The following PUM1 variants were observed in gnomAD, a reference collection of about 807,000 sequenced individuals.
The protein encoded by PUM1 is pumilio homolog 1.
In PUM1, 13 loss-of-function variants were observed where a neutral mutation model predicts 131.8. The ratio of observed to expected loss-of-function variants is 0.10; its 90% CI spans 0.06 to 0.16. The LOEUF (loss-of-function observed/expected upper bound fraction) is 0.16, where lower values mean the gene tolerates loss of function less well. Among genes scored for constraint, PUM1 ranks in the 10% least tolerant of loss-of-function variants. The probability of loss-of-function intolerance (pLI) is 1.00; values close to 1 mark genes in which losing one functional copy is unlikely to be tolerated. For synonymous variants in PUM1, 509 were observed against 556.5 expected (o/e 0.91, Z 1.20); for missense variants, 961 against 1,512.4 (o/e 0.64, Z 6.05).
intron 16 of PUM1, among the ~76,000 whole-genome samples, chr1:30,950,659 A>T (rs1639895824): frequency 6.6e-6 from 1 of 152,234 alleles, no homozygotes; most frequent in Non-Finnish European, 1.5e-5. Context: ...CAGGAGTTTG[A>T]GACCAGCCTC....
chr1:30,938,590 C>A lies in PUM1; in HGVS notation c.3243-1755G>T, dbSNP rs573387751. Among the ~76,000 whole-genome samples, 125 of 152,206 alleles carry A rather than the reference C, an allele frequency of 8.2e-4. 1 individual carries two copies. In the South Asian group the frequency reaches 0.021, roughly 26 times the overall value. Reference sequence around the variant, plus strand: ...TTTTAAAATAAGATTCTCAGCCGGGCACGGTGGCTGACACCTGTAATCCCA... The same window carrying A: ...TTTTAAAATAAGATTCTCAGCCGGGAACGGTGGCTGACACCTGTAATCCCA... On this transcript the variant is annotated intron_variant, in intron 20 of 21. Coordinates refer to ENST00000426105, the MANE Select transcript of PUM1 (RefSeq NM_001020658.2).
At chr1:31,017,602 T>C (rs971342030) in intron 3 of PUM1, among the ~76,000 whole-genome samples, 1 of 152,092 alleles carries the variant, frequency 6.6e-6, no homozygotes, top group Non-Finnish European at 1.5e-5. Context: ...TCTTCCAATG[T>C]GGTCCAGGGA....
intron 3 of PUM1, among the ~76,000 whole-genome samples, chr1:31,008,936 G>A (rs1196778734): frequency 6.6e-6 from 1 of 151,836 alleles, no homozygotes; most frequent in Non-Finnish European, 1.5e-5. Context: ...CACTTTGGGA[G>A]GCCAAGGCAG....
At chr1:30,984,521 G>A (rs924696998) in intron 7 of PUM1, among the ~76,000 whole-genome samples, 15 of 152,202 alleles carry the variant, frequency 9.9e-5, no homozygotes, top group African/African-American at 2.9e-4. Context: ...TAAATGTGAC[G>A]CAGTTAATTA....
chr1:31,033,453 C>T (rs1017493984), intron 2 of PUM1, among the ~76,000 whole-genome samples: 7 of 142,708 alleles, frequency 4.9e-5, no homozygotes, highest in Non-Finnish European at 6.0e-5. Flanking sequence ...ACTGCAGTGG[C>T]GCAATCTCGG....
intron 5 of PUM1, among the ~76,000 whole-genome samples, chr1:30,998,269 G>A (rs1274342806): frequency 6.6e-6 from 1 of 152,124 alleles, no homozygotes; most frequent in Non-Finnish European, 1.5e-5. Context: ...CATAAAAATG[G>A]CCAGCAGAAG....
intron 2 of PUM1, among the ~76,000 whole-genome samples, chr1:31,030,920 T>C (rs561143803): frequency 8.5e-5 from 13 of 152,270 alleles, no homozygotes; most frequent in Non-Finnish European, 1.3e-4. Flanking sequence ...TCACTAAAAA[T>C]TGAAATTTAT....
At position 30,961,815 on chromosome 1, in the gene PUM1, C is replaced by T. The variant is rs192743738; in HGVS notation, c.2323+2859G>A. On this transcript the variant is annotated intron_variant, in intron 14 of 21. Coordinates refer to ENST00000426105, the MANE Select transcript of PUM1 (RefSeq NM_001020658.2). ...ATCATTAGCAATATTAATTAAGCCA[C>T]GCTGAATTTTAAGGGGTGAAGGGTT... Among the ~76,000 whole-genome samples the T allele has an allele frequency of 2.0e-4, 30 of 151,970 alleles. 1 individual carries two copies. Among genetic ancestry groups the T allele is most frequent in the Non-Finnish European group, 1.5e-5 (1 of 67,986 alleles).
chr1:30,936,500 T>G (rs1269817866), intron 21 of PUM1, 143 bp downstream of exon 21: 4 of 825,776 alleles, frequency 4.8e-6, no homozygotes, highest in African/African-American at 1.7e-5. Flanking sequence ...TGACTCCACA[T>G]AAAAGAAAAA....
At chr1:30,992,750 G>T in intron 6 of PUM1, 90 bp from the exon 7 acceptor site, 1 of 1,083,890 alleles carries the variant, frequency 9.2e-7, no homozygotes, top group Non-Finnish European at 1.4e-6. Context: ...CCTCAACATA[G>T]CTCATTATCA....
chr1:30,973,871 C>T (rs1041187670), intron 10 of PUM1, among the ~76,000 whole-genome samples: 1 of 151,802 alleles, frequency 6.6e-6, no homozygotes, highest in Non-Finnish European at 1.5e-5. Context: ...GGGTGGATCA[C>T]GAGGTCAGGA....
intron 3 of PUM1, among the ~76,000 whole-genome samples, chr1:31,011,437 T>C (rs996450156): frequency 1.3e-5 from 2 of 152,200 alleles, no homozygotes; most frequent in African/African-American, 4.8e-5. Flanking sequence ...CAAATCAATT[T>C]AGACATGTTG....
intron 2 of PUM1, among the ~76,000 whole-genome samples, chr1:31,047,292 A>C (rs1643991714): frequency 6.6e-6 from 1 of 152,176 alleles, no homozygotes; most frequent in Non-Finnish European, 1.5e-5. Flanking sequence ...CAATATCCAG[A>C]AGTCAAAGAA....
intron 9 of PUM1, among the ~76,000 whole-genome samples, chr1:30,975,348 T>G (rs1004793283): frequency 8.5e-6 from 1 of 117,536 alleles, no homozygotes; most frequent in Non-Finnish European, 1.8e-5. Context: ...TTACTGTTTG[T>G]TTTTTTTGTT....
chr1:31,021,437 C>T (rs1643022952), intron 3 of PUM1, among the ~76,000 whole-genome samples: 1 of 152,092 alleles, frequency 6.6e-6, no homozygotes, highest in African/African-American at 2.4e-5. Context: ...GGAAACTATG[C>T]TTAGGAAAAA....
At chr1:31,030,113 G>T (rs1322858699) in intron 2 of PUM1, among the ~76,000 whole-genome samples, 7 of 151,852 alleles carry the variant, frequency 4.6e-5, no homozygotes, top group Non-Finnish European at 1.0e-4. Context: ...GGAGGTTGAG[G>T]TGGGAGAATC....
At chr1:31,058,885 G>A (rs1361829420) in intron 2 of PUM1, among the ~76,000 whole-genome samples, 1 of 152,066 alleles carries the variant, frequency 6.6e-6, no homozygotes, top group Non-Finnish European at 1.5e-5. Flanking sequence ...CAGGAGAACT[G>A]CTTGAACCTG....
chr1:30,952,211 G>A, intron 16 of PUM1, 23 bp downstream of exon 16: 4 of 1,609,996 alleles, frequency 2.5e-6, no homozygotes, highest in Non-Finnish European at 3.4e-6. Context: ...TTAAGTCAAA[G>A]GATAGAAAGA....
intron 18 of PUM1, 39 bp from the exon 19 acceptor site, chr1:30,942,162 A>G (rs758778752): frequency 1.9e-5 from 27 of 1,411,660 alleles, no homozygotes; most frequent in Non-Finnish European, 2.4e-5. Context: ...CAAAAATGAC[A>G]GTCACCACCT....
Sources: gnomAD v4.1 joint callset for allele counts (sites outside exome capture counted in the v4.1 genomes callset) on GRCh38, gnomAD v4.1.1 for gene constraint, MANE v1.5 for transcripts, NCBI Gene and HGNC (gene_info 2026-07-23, HGNC 2026-07-21) for gene names.